The following LNPEP variants were observed in gnomAD, a reference collection of about 807,000 sequenced individuals.
The protein encoded by LNPEP is leucyl and cystinyl aminopeptidase, also known as leucyl-cystinyl aminopeptidase.
LNPEP carries 64 observed loss-of-function variants against 120.6 expected under a neutral mutation model. The observed-to-expected ratio is 0.53, with a 90% confidence interval of 0.43 to 0.65. The LOEUF is 0.65. Among genes scored for constraint, LNPEP ranks in the 30% least tolerant of loss-of-function variants. The pLI, the probability that LNPEP is intolerant of heterozygous loss-of-function variation, is 0.00. For synonymous variants in LNPEP, 435 were observed against 425.4 expected (o/e 1.02, Z -0.28); for missense variants, 1,057 against 1,200.0 (o/e 0.88, Z 1.76).
In LNPEP at chr5:97,031,905, A is replaced by G. The variant is rs1271846067; in HGVS notation, c.*3372A>G. On this transcript the variant is annotated 3_prime_UTR_variant, in exon 18 of 18. Coordinates refer to ENST00000231368, the MANE Select transcript of LNPEP (RefSeq NM_005575.3). ...CTCAAAAAACAAAAAACAAAAAAAAAAGAGTTAAGTGTTGATTTTGTTGGA... is the reference window on the plus strand; with the variant it reads ...CTCAAAAAACAAAAAACAAAAAAAAGAGAGTTAAGTGTTGATTTTGTTGGA... 6.6e-6 allele frequency: 1 copy of G among 152,126 alleles called. No homozygotes were observed. The highest frequency in any genetic ancestry group is 1.5e-5 in the Non-Finnish European group (1 of 68,026). 9.4% of individuals were successfully genotyped at this position (152,126 alleles called of 1,614,324 possible).
At chr5:97,019,564 A>G (rs1222200357) in intron 13 of LNPEP, among the ~76,000 whole-genome samples, 2 of 152,206 alleles carry the variant, frequency 1.3e-5, no homozygotes, top group African/African-American at 2.4e-5. Flanking sequence ...ACTAACTAGT[A>G]AAATTGCTCC....
At chr5:96,985,415 G>A (rs1408085248) in intron 3 of LNPEP, among the ~76,000 whole-genome samples, 197 bp downstream of exon 3, 3 of 152,192 alleles carry the variant, frequency 2.0e-5, no homozygotes, top group Non-Finnish European at 4.4e-5. Flanking sequence ...CTTGAGGAAA[G>A]AGAAAGACCT....
chr5:96,981,328 T>C (rs969159680), intron 2 of LNPEP, among the ~76,000 whole-genome samples: 1 of 152,158 alleles, frequency 6.6e-6, no homozygotes, highest in Non-Finnish European at 1.5e-5. Context: ...TACTATCACT[T>C]GGGGGATTCA....
At position 97,006,175 on chromosome 5, in the gene LNPEP, A is replaced by G. The variant is rs563274580; in HGVS notation, c.1888A>G (p.Ile630Val). The change falls in exon 10 of 18, where the codon ATA becomes GTA. Residue 630 changes from isoleucine (I) to valine (V), a missense_variant. Ile to Val is a conservative substitution (Grantham distance 29). Coordinates refer to ENST00000231368, the MANE Select transcript of LNPEP (RefSeq NM_005575.3). The part of the protein sequence containing the change: ...TVQKKGKELF[I>V]QQERFFLNMK... ...TCAAAAGAAAGGAAAGGAACTTTTT[A>G]TACAACAAGAGAGATTCTTTTTAAA... is the stretch of plus-strand genomic sequence containing the variant. 3.1e-6 allele frequency: 5 copies of G among 1,606,180 alleles called. No individual in the cohort carries two copies. The highest frequency in any genetic ancestry group is 3.4e-6 in the Non-Finnish European group (4 of 1,176,062).
chr5:96,954,721 T>C (rs1445668535), intron 1 of LNPEP, among the ~76,000 whole-genome samples: 7 of 116,868 alleles, frequency 6.0e-5, no homozygotes, highest in African/African-American at 2.0e-4. Context: ...CACATATATA[T>C]ACATATATAT....
intron 1 of LNPEP, among the ~76,000 whole-genome samples, chr5:96,952,623 G>A (rs560650664): frequency 3.9e-5 from 6 of 152,248 alleles, no homozygotes; most frequent in Non-Finnish European, 8.8e-5. Context: ...GGTTATGTGC[G>A]GATTCTACCG....
chr5:97,033,706 A>AG lies in LNPEP; in HGVS notation c.*5174dup. The AG allele has an allele frequency of 6.6e-6, 1 of 152,242 alleles. No individual in the cohort carries two copies. The highest frequency in any genetic ancestry group is 1.5e-5 in the Non-Finnish European group (1 of 68,020). 9.4% of individuals were successfully genotyped at this position (152,242 alleles called of 1,614,324 possible). ...GATTGTCTGTGTGGGCAGGTGTCTA[A>AG]GAGAGTAGTTGATTAGCTTCAGGGA... On this transcript the variant is annotated 3_prime_UTR_variant, in exon 18 of 18. Transcript: ENST00000231368.
Position 97,030,055 on chromosome 5 carries a change from C to G in LNPEP, c.*1522C>G, listed in dbSNP as rs865888613. ...GAGTCAGACAGTGGGAAAGGTCACC[C>G]TTTTTTTATTCGGCAGGTATCAAGT... On this transcript the variant is annotated 3_prime_UTR_variant, in exon 18 of 18. Transcript: ENST00000231368. 3.3e-5 allele frequency: 5 copies of G among 151,848 alleles called. No individual in the cohort carries two copies. The highest frequency in any genetic ancestry group is 2.1e-4 in the South Asian group (1 of 4,816). The allele number at this position is 151,848 out of a possible 1,614,324, so 9.4% of individuals were successfully genotyped here. A position where few individuals can be genotyped will look rare whatever the true frequency, so the allele number is the denominator to read the frequency against.
At chr5:96,936,213 G>A (rs756077221) in intron 1 of LNPEP, 39 bp downstream of exon 1, 27 of 1,407,942 alleles carry the variant, frequency 1.9e-5, no homozygotes, top group Non-Finnish European at 2.4e-5. Flanking sequence ...CGGGCTCTCC[G>A]GAGCCCTGAG....
At chr5:96,945,126 G>C (rs1348448666) in intron 1 of LNPEP, among the ~76,000 whole-genome samples, 1 of 152,100 alleles carries the variant, frequency 6.6e-6, no homozygotes, top group African/African-American at 2.4e-5. Flanking sequence ...GGGTGGTGCA[G>C]TGGCTCACAC....
At chr5:96,938,271 A>T (rs1788969167) in intron 1 of LNPEP, among the ~76,000 whole-genome samples, 1 of 152,224 alleles carries the variant, frequency 6.6e-6, no homozygotes, top group Admixed American at 6.5e-5. Flanking sequence ...GATGCAGAGT[A>T]TTTCATTATC....
intron 15 of LNPEP, among the ~76,000 whole-genome samples, chr5:97,024,987 T>G (rs1295717828): frequency 6.6e-6 from 1 of 152,230 alleles, no homozygotes; most frequent in Non-Finnish European, 1.5e-5. Flanking sequence ...CTCCATAGTT[T>G]AGGACCAAGG....
rs920160633 is a variant in LNPEP at position 97,034,548 on chromosome 5, A to G, written c.*6015A>G. ...TTTTGTTTGGAGTTGTAGGAATCAA[A>G]TGTAATGAGGGACCCAGACCCGAGA... On this transcript the variant is annotated 3_prime_UTR_variant, in exon 18 of 18. Coordinates refer to ENST00000231368, the MANE Select transcript of LNPEP (RefSeq NM_005575.3). 4 of 151,906 alleles carry G rather than the reference A, an allele frequency of 2.6e-5. No individual in the cohort carries two copies. Among genetic ancestry groups the G allele is most frequent in the Non-Finnish European group, 5.9e-5 (4 of 67,958 alleles). 9.4% of individuals were successfully genotyped at this position (151,906 alleles called of 1,614,324 possible).
At chr5:96,964,273 T>C (rs1214506131) in intron 1 of LNPEP, among the ~76,000 whole-genome samples, 1 of 152,012 alleles carries the variant, frequency 6.6e-6, no homozygotes, top group Non-Finnish European at 1.5e-5. Context: ...TAGTTTTTTG[T>C]TAATTTATTA....
chr5:96,945,155 G>A (rs1396873402), intron 1 of LNPEP, among the ~76,000 whole-genome samples: 1 of 152,010 alleles, frequency 6.6e-6, no homozygotes, highest in Non-Finnish European at 1.5e-5. Flanking sequence ...CTAGCACTTT[G>A]GGAGGCCAAG....
intron 1 of LNPEP, among the ~76,000 whole-genome samples, chr5:96,972,751 G>A (rs78639182): frequency 2.0e-5 from 3 of 151,976 alleles, no homozygotes; most frequent in African/African-American, 7.2e-5. Flanking sequence ...ATGATAATCT[G>A]GTACCAATTA....
At chr5:97,027,611 T>C (rs1791376233) in intron 16 of LNPEP, 122 bp from the exon 17 acceptor site, 3 of 643,992 alleles carry the variant, frequency 4.7e-6, no homozygotes, top group Non-Finnish European at 8.3e-6. Flanking sequence ...GTTTCCTCAG[T>C]TGCAGTTCCG....
intron 4 of LNPEP, among the ~76,000 whole-genome samples, chr5:96,988,878 G>A (rs969096503): frequency 6.6e-6 from 1 of 152,042 alleles, no homozygotes; most frequent in Non-Finnish European, 1.5e-5. Flanking sequence ...CTCCCAAAGT[G>A]CTGAGATTAC....
At chr5:96,978,398 G>A (rs1790050531) in intron 1 of LNPEP, among the ~76,000 whole-genome samples, 1 of 152,060 alleles carries the variant, frequency 6.6e-6, no homozygotes, top group Non-Finnish European at 1.5e-5. Flanking sequence ...ATGAAAAACA[G>A]ATTGAATTAT....
Sources: gnomAD v4.1 joint callset for allele counts (sites outside exome capture counted in the v4.1 genomes callset) on GRCh38, gnomAD v4.1.1 for gene constraint, MANE v1.5 for transcripts, NCBI Gene and HGNC (gene_info 2026-07-23, HGNC 2026-07-21) for gene names.